Variants in RETREG1 observed in about 807,000 individuals in gnomAD.
RETREG1 encodes the protein reticulophagy regulator 1.
A neutral mutation model predicts 54.8 loss-of-function variants in RETREG1; 44 were observed. The ratio of observed to expected loss-of-function variants is 0.80; its 90% CI spans 0.63 to 1.03. The LOEUF (loss-of-function observed/expected upper bound fraction) is 1.03. Ranked by LOEUF, RETREG1 falls within the 50% of genes least tolerant of loss-of-function variation. The probability of loss-of-function intolerance (pLI) is 0.00; values close to 1 mark genes in which losing one functional copy is unlikely to be tolerated. For missense variants in RETREG1, 554 were observed against 605.1 expected (o/e 0.92, Z 0.89); for synonymous variants, 217 against 238.5 (o/e 0.91, Z 0.83).
chr5:16,596,633 C>T (rs1034307576), intron 1 of RETREG1, among the ~76,000 whole-genome samples: 27 of 152,100 alleles, frequency 1.8e-4, no homozygotes, highest in Non-Finnish European at 3.2e-4. Context: ...TTCTAGGATC[C>T]GGCAGTTCCC....
chr5:16,573,573 C>T (rs1389688363), intron 1 of RETREG1, among the ~76,000 whole-genome samples: 1 of 152,158 alleles, frequency 6.6e-6, no homozygotes, highest in Non-Finnish European at 1.5e-5. Flanking sequence ...GCTTTCTCAT[C>T]AGACAAACAC....
intron 3 of RETREG1, among the ~76,000 whole-genome samples, chr5:16,556,956 A>G (rs2126621590): frequency 6.6e-6 from 1 of 152,148 alleles, no homozygotes; most frequent in South Asian, 2.1e-4. Flanking sequence ...CAGCCTCCCA[A>G]GTAGCTGGGA....
intron 2 of RETREG1, among the ~76,000 whole-genome samples, chr5:16,569,828 G>GT (rs1211391823): frequency 1.8e-4 from 28 of 152,312 alleles, no homozygotes; most frequent in African/African-American, 5.8e-4. Flanking sequence ...AAATGCAATC[G>GT]TAAGTGTACT....
At chr5:16,531,540 G>C (rs1397937206) in intron 3 of RETREG1, among the ~76,000 whole-genome samples, 3 of 152,112 alleles carry the variant, frequency 2.0e-5, no homozygotes, top group Non-Finnish European at 4.4e-5. Flanking sequence ...TATTATGAGG[G>C]GGAAAGTACA....
At chr5:16,485,735 T>A (rs982933538) in intron 3 of RETREG1, among the ~76,000 whole-genome samples, 1 of 152,228 alleles carries the variant, frequency 6.6e-6, no homozygotes, top group Non-Finnish European at 1.5e-5. Context: ...AAACTCTCTT[T>A]AGCATTTAAG....
rs150896650 is a variant in RETREG1, at chr5:16,615,548, G to C, written c.320+1104C>G. ...ATATGTCCTTCTTATTTGAGTGCTCGCATTCACTCCATAATAAGATAGATT... is the reference window on the plus strand; with the variant it reads ...ATATGTCCTTCTTATTTGAGTGCTCCCATTCACTCCATAATAAGATAGATT... On this transcript the variant is annotated intron_variant, in intron 1 of 8. Coordinates refer to ENST00000306320, the MANE Select transcript of RETREG1 (RefSeq NM_001034850.3). 8.4e-3 allele frequency among the ~76,000 whole-genome samples: 1,281 copies of C among 151,980 alleles called. 20 individuals carry two copies. The highest frequency in any genetic ancestry group is 0.028 in the African/African-American group (1,153 of 41,418).
At chr5:16,482,568 G>A (rs146103347) in intron 4 of RETREG1, among the ~76,000 whole-genome samples, 8 of 151,974 alleles carry the variant, frequency 5.3e-5, no homozygotes, top group African/African-American at 1.2e-4. Flanking sequence ...TTGAAGTTAC[G>A]ATATTGCCTA....
chr5:16,546,972 A>G (rs542791152), intron 3 of RETREG1, among the ~76,000 whole-genome samples: 1 of 152,182 alleles, frequency 6.6e-6, no homozygotes, highest in African/African-American at 2.4e-5. Flanking sequence ...ACCATGGACA[A>G]CTCTCTTGTT....
intron 3 of RETREG1, among the ~76,000 whole-genome samples, chr5:16,507,877 T>C (rs553907893): frequency 2.0e-5 from 3 of 152,348 alleles, no homozygotes; most frequent in South Asian, 4.1e-4. Context: ...ATGGCCCCAA[T>C]TAGAATTCCA....
chr5:16,543,492 A>T (rs922976244), intron 3 of RETREG1, among the ~76,000 whole-genome samples: 1 of 152,100 alleles, frequency 6.6e-6, no homozygotes, highest in Admixed American at 6.5e-5. Flanking sequence ...TCTAGCCAAC[A>T]TGATGAAACC....
At chr5:16,552,854 C>T (rs1187169555) in intron 3 of RETREG1, among the ~76,000 whole-genome samples, 4 of 152,224 alleles carry the variant, frequency 2.6e-5, no homozygotes, top group Non-Finnish European at 4.4e-5. Context: ...TGGAGCCACA[C>T]GGCTGGGTTC....
intron 3 of RETREG1, among the ~76,000 whole-genome samples, chr5:16,551,973 T>C (rs1308866964): frequency 6.6e-6 from 1 of 152,148 alleles, no homozygotes; most frequent in Admixed American, 6.5e-5. Context: ...ACCTGCCTCC[T>C]TCCTAAAAGA....
intron 1 of RETREG1, among the ~76,000 whole-genome samples, chr5:16,596,005 C>T (rs1742887505): frequency 6.6e-6 from 1 of 152,178 alleles, no homozygotes; most frequent in Non-Finnish European, 1.5e-5. Context: ...ACTGTCTCAA[C>T]ACTTAGTGCA....
chr5:16,565,787 T>G lies in RETREG1; in HGVS notation c.434A>C (p.Gln145Pro), dbSNP rs1255058019. 6.2e-7 allele frequency: 1 copy of G among 1,613,878 alleles called. No homozygotes were observed. The highest frequency in any genetic ancestry group is 2.2e-5 in the East Asian group (1 of 44,878). Residue 145 changes from glutamine to proline, a missense_variant, in exon 3 of 9, where the codon CAG (glutamine) becomes CCG (proline). This residue lies in a region of RETREG1 where 347 missense variants were observed against 412.3 expected (regional missense o/e 0.84). Coordinates refer to ENST00000306320, the MANE Select transcript of RETREG1 (RefSeq NM_001034850.3). ...DMVLSRTRGA[Q>P]LWRSLSESWE... is the part of the protein sequence containing the mutation. Reference sequence around the variant, plus strand: ...CCTTTCACTGAGGCTTCTCCACAACTGTGCACCTGCAACAGGGAGAAGCAA... The same window carrying G: ...CCTTTCACTGAGGCTTCTCCACAACGGTGCACCTGCAACAGGGAGAAGCAA...
rs372703033 is a variant in RETREG1 at position 16,593,575 on chromosome 5, GA to G, written c.321-21474del. ...ATAATGACAGCTTGCCAAATTGGGG[GA>G]AAAAAAAAACTATGGGGAACATTAA... is the stretch of plus-strand genomic sequence containing the variant. On this transcript the variant is annotated intron_variant, in intron 1 of 8. Transcript: ENST00000306320. This position sits in a 1 kb window ranked among gnomAD's most constrained non-coding sequence, Gnocchi z 4.9. Among the ~76,000 whole-genome samples, 72 of 147,636 alleles carry G rather than the reference GA, an allele frequency of 4.9e-4. No homozygotes were observed. The highest frequency in any genetic ancestry group is 3.4e-3 in the Middle Eastern group (1 of 290).
At chr5:16,569,287 C>CTTTTTTTTT (rs59365372) in intron 2 of RETREG1, among the ~76,000 whole-genome samples, 1 of 140,796 alleles carries the variant, frequency 7.1e-6, no homozygotes, top group Admixed American at 7.0e-5. Flanking sequence ...CCATTTCTTT[C>CTTTTTTTTT]TTTTTTTTTT....
chr5:16,559,275 C>A (rs1741793081), intron 3 of RETREG1, among the ~76,000 whole-genome samples: 1 of 150,606 alleles, frequency 6.6e-6, no homozygotes, highest in African/African-American at 2.4e-5. Flanking sequence ...GCTGAGGACG[C>A]CCACAATCTG....
chr5:16,497,085 T>C (rs1739492980), intron 3 of RETREG1, among the ~76,000 whole-genome samples: 1 of 152,212 alleles, frequency 6.6e-6, no homozygotes, highest in Non-Finnish European at 1.5e-5. Context: ...AGAGAGCTTC[T>C]ACTCTAATAG....
At chr5:16,487,335 C>T (rs773124445) in intron 3 of RETREG1, among the ~76,000 whole-genome samples, 18 of 152,114 alleles carry the variant, frequency 1.2e-4, no homozygotes, top group Admixed American at 4.6e-4. Context: ...ATCCATCTCC[C>T]CTCCCTCTCG....
Sources: gnomAD v4.1 joint callset for allele counts (sites outside exome capture counted in the v4.1 genomes callset) on GRCh38, gnomAD v4.1.1 for gene constraint, gnomAD v4.1.1 regional missense constraint, Gnocchi (gnomAD v3.1) non-coding constraint, MANE v1.5 for transcripts, NCBI Gene and HGNC (gene_info 2026-07-23, HGNC 2026-07-21) for gene names.